The following IL1RAP variants were observed in gnomAD, a reference collection of about 807,000 sequenced individuals.
IL1RAP encodes the protein interleukin-1 receptor accessory protein.
Under a neutral mutation model 60.7 loss-of-function variants are expected in IL1RAP, and 35 were observed. The observed-to-expected ratio is 0.58, with a 90% CI of 0.44 to 0.76. The LOEUF is 0.76. Ranked by LOEUF, IL1RAP falls within the 30% of genes least tolerant of loss-of-function variation. The pLI is 0.00. For missense variants in IL1RAP, 572 were observed against 693.9 expected, an observed-to-expected ratio of 0.82 and a Z score of 1.97; for synonymous variants, 268 against 250.9, an observed-to-expected ratio of 1.07 and a Z score of -0.64.
At chr3:190,521,599 T>C (rs1722022900) in intron 1 of IL1RAP, among the ~76,000 whole-genome samples, 1 of 152,092 alleles carries the variant, frequency 6.6e-6, no homozygotes, top group Admixed American at 6.5e-5. Context: ...TCTGTGACTG[T>C]AGAACAATGT....
At chr3:190,534,231 C>T (rs146743381) in intron 1 of IL1RAP, among the ~76,000 whole-genome samples, 139 of 151,814 alleles carry the variant, frequency 9.2e-4, no homozygotes, top group African/African-American at 3.2e-3. Flanking sequence ...TGATCTTTCC[C>T]CTCAGGATTT....
chr3:190,545,935 G>A (rs927888793), intron 1 of IL1RAP, among the ~76,000 whole-genome samples: 2 of 152,064 alleles, frequency 1.3e-5, no homozygotes, highest in African/African-American at 4.8e-5. Flanking sequence ...AAATATTTTT[G>A]TGCTAATGGG....
Position 190,641,911 on chromosome 3 carries a change from G to A in IL1RAP, c.1052-2337G>A, listed in dbSNP as rs1466935088. ...AACTTTCAGCAACTGCACTAACACA[G>A]CTTCTGGAATTTATGATGGAGTTTT... On this transcript the variant is annotated intron_variant, in intron 9 of 11. Transcript: ENST00000447382. Among the ~76,000 whole-genome samples the A allele has an allele frequency of 2.0e-5, 3 of 152,158 alleles. No homozygotes were observed. In the East Asian group the frequency reaches 5.8e-4, roughly 29 times the overall value.
intron 1 of IL1RAP, chr3:190,518,484 A>T (rs1366007560): frequency 6.6e-6 from 1 of 152,082 alleles, no homozygotes; most frequent in African/African-American, 2.4e-5. Context: ...TTCAATCCTC[A>T]CAATAATCCT....
chr3:190,595,590 G>A (rs1045021553), intron 3 of IL1RAP, among the ~76,000 whole-genome samples: 15 of 152,076 alleles, frequency 9.9e-5, no homozygotes, highest in Admixed American at 4.6e-4. Flanking sequence ...TCAAACCAGC[G>A]TTCCTGTTTG....
chr3:190,573,152 C>T (rs1727140560), intron 3 of IL1RAP, among the ~76,000 whole-genome samples: 1 of 151,760 alleles, frequency 6.6e-6, no homozygotes, highest in South Asian at 2.1e-4. Flanking sequence ...CGTGAGAATG[C>T]TTTGTTAATC....
At chr3:190,623,949 G>A (rs1032456165) in intron 7 of IL1RAP, among the ~76,000 whole-genome samples, 4 of 151,990 alleles carry the variant, frequency 2.6e-5, no homozygotes, top group Admixed American at 2.0e-4. Context: ...GACCAAATAC[G>A]GGATAACATG....
intron 3 of IL1RAP, among the ~76,000 whole-genome samples, chr3:190,576,025 G>C (rs1284436142): frequency 6.6e-6 from 1 of 151,420 alleles, no homozygotes; most frequent in Non-Finnish European, 1.5e-5. Flanking sequence ...AGAGGAAGGA[G>C]ATATATTTAA....
chr3:190,529,459 G>A (rs1038996739), intron 1 of IL1RAP, among the ~76,000 whole-genome samples: 21 of 151,142 alleles, frequency 1.4e-4, no homozygotes, highest in East Asian at 7.9e-4. Flanking sequence ...AGGCCGAGGC[G>A]GGCAGATCAC....
chr3:190,597,501 C>T (rs1009970572), intron 3 of IL1RAP, among the ~76,000 whole-genome samples: 1 of 152,142 alleles, frequency 6.6e-6, no homozygotes, highest in Non-Finnish European at 1.5e-5. Context: ...TGTGATGCTA[C>T]CTTTTCAACA....
intron 1 of IL1RAP, chr3:190,517,720 G>C (rs1721653632): frequency 6.6e-6 from 1 of 152,212 alleles, no homozygotes; most frequent in South Asian, 2.1e-4. Context: ...GCTCCTATAG[G>C]TAAGCAGTTA....
At position 190,645,821 on chromosome 3, in the gene IL1RAP, C is replaced by A. The variant is rs1203148420; in HGVS notation, c.1324C>A (p.Arg442=). ...TGGATACAAGCTGTGCATCTTTGAC[C>A]GAGACAGTCTGCCTGGGGGAAGTAG... The part of the protein sequence containing the change: ...EFGYKLCIFD[R]DSLPGGIVTD... The change falls in exon 11 of 12, where the codon CGA becomes AGA. Residue 442 remains arginine (R), a synonymous_variant. Transcript: ENST00000447382. 6 of 1,613,202 alleles carry A rather than the reference C, an allele frequency of 3.7e-6. No individual in the cohort carries two copies. The highest frequency in any genetic ancestry group is 1.3e-5 in the African/African-American group (1 of 74,976).
chr3:190,649,025 A>G lies in IL1RAP; in HGVS notation c.*320A>G. 1 of 1,029,286 alleles carries G rather than the reference A, an allele frequency of 9.7e-7. No homozygotes were observed. Among genetic ancestry groups the G allele is most frequent in the South Asian group, 4.4e-5 (1 of 22,950 alleles). 63.8% of individuals were successfully genotyped at this position (1,029,286 alleles called of 1,614,324 possible). A position where few individuals can be genotyped will look rare whatever the true frequency, so the allele number is the denominator to read the frequency against. On this transcript the variant is annotated 3_prime_UTR_variant, in exon 12 of 12. Coordinates refer to ENST00000447382, the MANE Select transcript of IL1RAP (RefSeq NM_002182.4). Reference sequence around the variant, plus strand: ...TGTCTCCATTCTTTTTAAAATCTTAACATATGGAGCAGCCTTTCCTATGAA... The same window carrying G: ...TGTCTCCATTCTTTTTAAAATCTTAGCATATGGAGCAGCCTTTCCTATGAA...
At position 190,648,589 on chromosome 3, in the gene IL1RAP, T is replaced by G. The variant is rs1239633040; in HGVS notation, c.1597T>G (p.Tyr533Asp). The G allele has an allele frequency of 1.2e-6, 2 of 1,613,968 alleles. No individual in the cohort carries two copies. The highest frequency in any genetic ancestry group is 2.2e-5 in the South Asian group (2 of 91,080). ...TAAATGGAAAGGGGAAAAATCCAAG[T>G]ATCCACAGGGCAGGTTCTGGAAGCA... ...VIKWKGEKSK[Y>D]PQGRFWKQLQ... The change falls in exon 12 of 12, where the codon TAT becomes GAT. Residue 533 changes from tyrosine (Y) to aspartate (D), a missense_variant. By Grantham distance (160) the Tyr-to-Asp change is radical (BLOSUM62 -3). Coordinates refer to ENST00000447382, the MANE Select transcript of IL1RAP (RefSeq NM_002182.4).
chr3:190,587,947 A>C (rs1389578890), intron 3 of IL1RAP, among the ~76,000 whole-genome samples: 1 of 152,154 alleles, frequency 6.6e-6, no homozygotes, highest in East Asian at 1.9e-4. Context: ...ATATGTCTAA[A>C]ACTTCCATCT....
chr3:190,620,196 G>A, intron 5 of IL1RAP, 79 bp from the exon 6 acceptor site: 1 of 716,680 alleles, frequency 1.4e-6, no homozygotes. Context: ...TGCAAAATTA[G>A]ATGTGAGTGT....
chr3:190,526,892 C>G (rs905733753), intron 1 of IL1RAP, among the ~76,000 whole-genome samples: 1 of 152,248 alleles, frequency 6.6e-6, no homozygotes, highest in Non-Finnish European at 1.5e-5. Flanking sequence ...CTCATCCTGG[C>G]ATCCTGCCCT....
chr3:190,586,351 T>C (rs551564584), intron 3 of IL1RAP, among the ~76,000 whole-genome samples: 4 of 152,314 alleles, frequency 2.6e-5, no homozygotes, highest in African/African-American at 9.6e-5. Flanking sequence ...AAGTTTTCAC[T>C]GAGGGTTTAT....
At position 190,599,955 on chromosome 3, in the gene IL1RAP, G is replaced by A. The variant is rs114151601; in HGVS notation, c.65-4173G>A. Among the ~76,000 whole-genome samples the A allele has an allele frequency of 6.2e-3, 940 of 151,676 alleles. 3 individuals are homozygous for A. The highest frequency in any genetic ancestry group is 0.02 in the Middle Eastern group (6 of 294). ...TCATGGATGAAACAGGTTCCTTATC[G>A]CTCTGAGAATGTTGATAGTATTTTT... On this transcript the variant is annotated intron_variant, in intron 3 of 11. Transcript: ENST00000447382.
Sources: gnomAD v4.1 joint callset for allele counts (sites outside exome capture counted in the v4.1 genomes callset) on GRCh38, gnomAD v4.1.1 for gene constraint, MANE v1.5 for transcripts, NCBI Gene and HGNC (gene_info 2026-07-23, HGNC 2026-07-21) for gene names.